The following SNX14 variants were observed in gnomAD, a reference collection of about 807,000 sequenced individuals.
SNX14 encodes the protein sorting nexin-14.
SNX14 carries 93 observed loss-of-function variants against 133.8 expected under a neutral mutation model. The observed-to-expected ratio is 0.70, with a 90% CI of 0.59 to 0.83. The LOEUF (loss-of-function observed/expected upper bound fraction) is 0.83, where lower values mean the gene tolerates loss of function less well. Among genes scored for constraint, SNX14 ranks in the 40% least tolerant of loss-of-function variants. The pLI is 0.00. For synonymous variants in SNX14, 368 were observed against 365.6 expected (o/e 1.01, Z -0.07); for missense variants, 945 against 1,094.9 (o/e 0.86, Z 1.93).
intron 19 of SNX14, among the ~76,000 whole-genome samples, chr6:85,529,830 A>T (rs1461064796): frequency 6.6e-6 from 1 of 152,232 alleles, no homozygotes; most frequent in African/African-American, 2.4e-5. Flanking sequence ...ACAAAAAAAA[A>T]TAGCTGGAAA....
chr6:85,559,181 G>A (rs1000354337), intron 6 of SNX14, among the ~76,000 whole-genome samples: 4 of 152,000 alleles, frequency 2.6e-5, no homozygotes, highest in African/African-American at 4.8e-5. Flanking sequence ...AAATTTTAAT[G>A]ATTTGCTGAT....
At chr6:85,578,152 A>T (rs1797896580) in intron 1 of SNX14, among the ~76,000 whole-genome samples, 1 of 152,200 alleles carries the variant, frequency 6.6e-6, no homozygotes, top group African/African-American at 2.4e-5. Flanking sequence ...AATAATGCGT[A>T]AATACTATCT....
chr6:85,508,036 C>T lies in SNX14; in HGVS notation c.2677G>A (p.Glu893Lys). 1 of 1,612,686 alleles carries T rather than the reference C, an allele frequency of 6.2e-7. No homozygotes were observed. The highest frequency in any genetic ancestry group is 8.5e-7 in the Non-Finnish European group (1 of 1,179,274). The change falls in exon 27 of 29, where the codon GAA (glutamate) becomes AAA (lysine). Residue 893 changes from glutamate (E) to lysine (K), a missense_variant. Coordinates refer to ENST00000314673, the MANE Select transcript of SNX14 (RefSeq NM_153816.6). Reference protein sequence around the residue: ...IPDLLVKCIGEETKYESIRLL... With the variant: ...IPDLLVKCIGKETKYESIRLL... ...CTGATGCTTTCATACTTGGTTTCTT[C>T]ACCAATACACTTGACTAACAGATCT...
intron 1 of SNX14, among the ~76,000 whole-genome samples, chr6:85,576,712 G>C (rs767927481): frequency 6.6e-6 from 1 of 152,162 alleles, no homozygotes; most frequent in Non-Finnish European, 1.5e-5. Flanking sequence ...TCCAAATCCT[G>C]CTTCCATGTG....
intron 15 of SNX14, among the ~76,000 whole-genome samples, chr6:85,540,764 T>G (rs1225672780): frequency 6.6e-6 from 1 of 152,178 alleles, no homozygotes; most frequent in East Asian, 1.9e-4. Context: ...CATTTTCCCT[T>G]GTACTAACTA....
chr6:85,577,584 T>A (rs1439642481), intron 1 of SNX14, among the ~76,000 whole-genome samples: 11 of 152,092 alleles, frequency 7.2e-5, no homozygotes, highest in Admixed American at 7.2e-4. Flanking sequence ...AGGATAAAGG[T>A]TTAGAAATTA....
intron 12 of SNX14, among the ~76,000 whole-genome samples, chr6:85,546,399 A>T (rs1785494007): frequency 6.6e-6 from 1 of 152,222 alleles, no homozygotes. Flanking sequence ...AAAGTTTCTT[A>T]TAAATCCAAT....
chr6:85,524,632 A>C (rs1165495831), intron 21 of SNX14, among the ~76,000 whole-genome samples: 2 of 151,942 alleles, frequency 1.3e-5, no homozygotes, highest in Non-Finnish European at 2.9e-5. Context: ...AACTACAAAA[A>C]AATTAGCTGG....
intron 1 of SNX14, among the ~76,000 whole-genome samples, chr6:85,576,682 G>C (rs911125994): frequency 1.7e-4 from 26 of 152,156 alleles, no homozygotes; most frequent in Admixed American, 1.5e-3. Flanking sequence ...AAAGGAAGGG[G>C]AAGAAAGTAT....
At chr6:85,555,948 A>T (rs1789604792) in intron 7 of SNX14, among the ~76,000 whole-genome samples, 1 of 152,006 alleles carries the variant, frequency 6.6e-6, no homozygotes. Context: ...AGATTGTGCC[A>T]TTGGTCTCCA....
At chr6:85,507,193 A>C (rs367818395) in intron 28 of SNX14, 40 bp downstream of exon 28, 1 of 1,520,880 alleles carries the variant, frequency 6.6e-7, no homozygotes, top group Non-Finnish European at 9.1e-7. Flanking sequence ...TCAGCATACC[A>C]TTAAGAAAAT....
At position 85,536,883 on chromosome 6, in the gene SNX14, A is replaced by C; in HGVS notation, c.1517T>G (p.Ile506Arg). The C allele has an allele frequency of 6.2e-7, 1 of 1,613,314 alleles. No individual in the cohort carries two copies. Residue 506 changes from isoleucine to arginine, a missense_variant, in exon 17 of 29, where the codon ATA becomes AGA. Ile to Arg is a moderately conservative substitution (Grantham distance 97). This residue lies in a region of SNX14 where 412 missense variants were observed against 516.6 expected (regional missense o/e 0.80). Transcript: ENST00000314673. ...KRGESFGISR[I>R]GSKIKGVFKS... is the part of the protein sequence containing the mutation. ...GAATACTCCTTTAATTTTGCTACCT[A>C]TTCTGCTGATTCCAAATGATTCTCC... is the stretch of plus-strand genomic sequence containing the variant.
intron 4 of SNX14, among the ~76,000 whole-genome samples, chr6:85,571,680 T>A (rs1352677366): frequency 6.6e-6 from 1 of 152,134 alleles, no homozygotes; most frequent in Non-Finnish European, 1.5e-5. Flanking sequence ...AATCTGACTA[T>A]AACAAAGATA....
rs545215529 is a variant in SNX14 at position 85,560,280 on chromosome 6, C to A, written c.550-2220G>T. 2.0e-5 allele frequency among the ~76,000 whole-genome samples: 3 copies of A among 152,080 alleles called. No individual in the cohort carries two copies. In the South Asian group the frequency reaches 6.2e-4, roughly 31 times the overall value. On this transcript the variant is annotated intron_variant, in intron 6 of 28. Coordinates refer to ENST00000314673, the MANE Select transcript of SNX14 (RefSeq NM_153816.6). ...ATAAACAAAATGTAGTACATTCACA[C>A]AATGGAATATTAGCCATAAAAAGAA...
At position 85,572,389 on chromosome 6, in the gene SNX14, T is replaced by C. The variant is rs1795923693; in HGVS notation, c.262-15A>G. On this transcript the variant is annotated splice_polypyrimidine_tract_variant and intron_variant, in intron 2 of 28. Transcript: ENST00000314673. ...AGTCCTAACTGCTAAAAAAGGAAAATGAGAGGTGGTGGGGAGATCCATCTT... is the reference window on the plus strand; with the variant it reads ...AGTCCTAACTGCTAAAAAAGGAAAACGAGAGGTGGTGGGGAGATCCATCTT... 6.3e-7 allele frequency: 1 copy of C among 1,589,318 alleles called. No individual in the cohort carries two copies. The highest frequency in any genetic ancestry group is 8.6e-7 in the Non-Finnish European group (1 of 1,161,252).
intron 26 of SNX14, among the ~76,000 whole-genome samples, chr6:85,512,337 A>G (rs1773173206): frequency 6.6e-6 from 1 of 152,090 alleles, no homozygotes; most frequent in Admixed American, 6.6e-5. Flanking sequence ...AAAAGTGTGG[A>G]TGGGCTGGGC....
chr6:85,518,125 T>C (rs1775677107), intron 21 of SNX14, 77 bp from the exon 22 acceptor site: 7 of 1,157,232 alleles, frequency 6.0e-6, no homozygotes, highest in Non-Finnish European at 7.5e-6. Context: ...CTTAACCAGG[T>C]AATTTTAAAT....
intron 1 of SNX14, among the ~76,000 whole-genome samples, chr6:85,575,290 C>T (rs1796955323): frequency 2.6e-5 from 4 of 152,204 alleles, no homozygotes; most frequent in Admixed American, 2.0e-4. Flanking sequence ...CAACACAGTT[C>T]AAATGCCAAT....
chr6:85,526,239 T>C lies in SNX14; in HGVS notation c.1996-2A>G. On this transcript the variant is annotated splice_acceptor_variant, in intron 20 of 28. Transcript: ENST00000314673. LOFTEE classifies it high-confidence loss of function. ...CAGTTCTGGATGCTGCAGAAGTTTC[T>C]TGAATGAACAAAAAAAACGGAAAAC... is the stretch of plus-strand genomic sequence containing the variant. The C allele has an allele frequency of 6.3e-7, 1 of 1,576,962 alleles. No homozygotes were observed.
Sources: gnomAD v4.1 joint callset for allele counts (sites outside exome capture counted in the v4.1 genomes callset) on GRCh38, gnomAD v4.1.1 for gene constraint, gnomAD v4.1.1 regional missense constraint, MANE v1.5 for transcripts, NCBI Gene and HGNC (gene_info 2026-07-23, HGNC 2026-07-21) for gene names.